The following KCNV2 variants were observed in gnomAD, a reference collection of about 807,000 sequenced individuals.
KCNV2 encodes the protein potassium voltage-gated channel modifier subfamily V member 2.
In KCNV2, 65 loss-of-function variants were observed where a neutral mutation model predicts 37.0. That is an observed-to-expected ratio of 1.76 (90% CI 1.44 to 2.16). The LOEUF is 2.16. KCNV2 is among the 30% of genes most tolerant of loss of function. The pLI is 0.00. For missense variants in KCNV2, 1,232 were observed against 766.7 expected, an observed-to-expected ratio of 1.61 and a Z score of -7.17; for synonymous variants, 518 against 328.6, an observed-to-expected ratio of 1.58 and a Z score of -6.23.
Position 2,729,643 on chromosome 9 carries a change from G to A in KCNV2, c.1554G>A (p.Val518=). Reference sequence around the variant, plus strand: ...CCATACGCAGGGAGAGGGGAGAGGTGAACTTCATGCAGAGAGCCAGAAAGA... The same window carrying A: ...CCATACGCAGGGAGAGGGGAGAGGTAAACTTCATGCAGAGAGCCAGAAAGA... ...YTTIRRERGE[V]NFMQRARKKI... is the part of the protein sequence containing the mutation. Residue 518 remains valine, a synonymous_variant, in exon 2 of 2, where the codon GTG becomes GTA. Transcript: ENST00000382082. The A allele has an allele frequency of 6.2e-7, 1 of 1,614,106 alleles. No homozygotes were observed. The highest frequency in any genetic ancestry group is 8.5e-7 in the Non-Finnish European group (1 of 1,180,000).
rs202166642 is a variant in KCNV2, at chr9:2,718,084, G to A, written c.345G>A (p.Leu115=). The change falls in exon 1 of 2, where the codon CTG becomes CTA. Residue 115 remains leucine, a synonymous_variant. Coordinates refer to ENST00000382082, the MANE Select transcript of KCNV2 (RefSeq NM_133497.4). ...GCTACCAGCTGGACTACTGCGAGCT[G>A]GCCGGCTTCCCCAAGACGCGCCTAG... is the stretch of plus-strand genomic sequence containing the variant. ...GHSYQLDYCE[L]AGFPKTRLGR... 10 of 1,601,116 alleles carry A rather than the reference G, an allele frequency of 6.2e-6. No homozygotes were observed. Among genetic ancestry groups the A allele is most frequent in the Non-Finnish European group, 6.8e-6 (8 of 1,173,550 alleles).
Position 2,718,042 on chromosome 9 carries a change from G to C in KCNV2, c.303G>C (p.Val101=), listed in dbSNP as rs1331431482. 1 of 1,610,534 alleles carries C rather than the reference G, an allele frequency of 6.2e-7. No homozygotes were observed. The highest frequency in any genetic ancestry group is 1.7e-5 in the Admixed American group (1 of 59,434). Residue 101 remains valine, a synonymous_variant, in exon 1 of 2, where the codon GTG becomes GTC. Transcript: ENST00000382082. ...DPPALLSTLN[V]NVGGHSYQLD... ...CGGCCCTGCTGTCCACGCTGAATGT[G>C]AACGTGGGTGGCCACAGCTACCAGC...
At chr9:2,723,954 T>TC (rs1819926488) in intron 1 of KCNV2, among the ~76,000 whole-genome samples, 1 of 151,240 alleles carries the variant, frequency 6.6e-6, no homozygotes, top group African/African-American at 2.4e-5. Flanking sequence ...GTATGGTTTT[T>TC]TTCTTTTACT....
chr9:2,726,992 C>T (rs763876816), intron 1 of KCNV2, among the ~76,000 whole-genome samples: 7 of 152,132 alleles, frequency 4.6e-5, no homozygotes, highest in Non-Finnish European at 8.8e-5. Context: ...GAAAAATGGT[C>T]GTCCACAAAA....
rs759430990 is a variant in KCNV2, at chr9:2,718,879, C to T, written c.1140C>T (p.Arg380=). 1.2e-6 allele frequency: 2 copies of T among 1,608,950 alleles called. No homozygotes were observed. The highest frequency in any genetic ancestry group is 2.2e-5 in the South Asian group (2 of 91,084). Residue 380 remains arginine, a synonymous_variant, in exon 1 of 2, where the codon CGC becomes CGT. Coordinates refer to ENST00000382082, the MANE Select transcript of KCNV2 (RefSeq NM_133497.4). The stretch of plus-strand genomic sequence containing the variant: ...TGGGTCAGGTGTTGCGCGTCATGCG[C>T]CTCATGCGCATCTTCCGCATCCTCA... The part of the protein sequence containing the change: ...GKVGQVLRVM[R]LMRIFRILKL...
At chr9:2,728,578 T>A (rs534778126) in intron 1 of KCNV2, among the ~76,000 whole-genome samples, 1 of 152,208 alleles carries the variant, frequency 6.6e-6, no homozygotes, top group Non-Finnish European at 1.5e-5. Context: ...TAATGGGAAG[T>A]ATTTCATGCA....
Position 2,718,324 on chromosome 9 carries a change from G to A in KCNV2, c.585G>A (p.Thr195=), listed in dbSNP as rs149078148. Reference sequence around the variant, plus strand: ...ACTGGGGCGTGCGGCTCAAGTACACGCCACGCTGCTGCCGCATCTGCTTCG... The same window carrying A: ...ACTGGGGCGTGCGGCTCAAGTACACACCACGCTGCTGCCGCATCTGCTTCG... ...LGYWGVRLKY[T]PRCCRICFEE... Residue 195 remains threonine, a synonymous_variant, in exon 1 of 2, where the codon ACG becomes ACA. Coordinates refer to ENST00000382082, the MANE Select transcript of KCNV2 (RefSeq NM_133497.4). The A allele has an allele frequency of 3.0e-5, 48 of 1,604,516 alleles. No homozygotes were observed. The Admixed American group carries it at 3.6e-4, about 12-fold the overall frequency.
In KCNV2 at chr9:2,718,874, A is replaced by C. The variant is rs370412027; in HGVS notation, c.1135A>C (p.Met379Leu). 1 of 1,608,790 alleles carries C rather than the reference A, an allele frequency of 6.2e-7. No individual in the cohort carries two copies. Among genetic ancestry groups the C allele is most frequent in the Non-Finnish European group, 8.5e-7 (1 of 1,179,946 alleles). Residue 379 changes from methionine (M) to leucine (L), a missense_variant, in exon 1 of 2, where the codon ATG becomes CTG. Transcript: ENST00000382082. ...TAAGGTGGGTCAGGTGTTGCGCGTC[A>C]TGCGCCTCATGCGCATCTTCCGCAT... ...VGKVGQVLRV[M>L]RLMRIFRILK...
intron 1 of KCNV2, among the ~76,000 whole-genome samples, chr9:2,727,180 C>T (rs2071812464): frequency 6.6e-6 from 1 of 151,752 alleles, no homozygotes; most frequent in South Asian, 2.1e-4. Flanking sequence ...GCTCACACAA[C>T]TGGAGAGAGA....
Position 2,729,746 on chromosome 9 carries a change from G to C in KCNV2, c.*19G>C. 1 of 1,613,042 alleles carries C rather than the reference G, an allele frequency of 6.2e-7. No homozygotes were observed. Among genetic ancestry groups the C allele is most frequent in the African/African-American group, 1.3e-5 (1 of 74,968 alleles). ...GAATTAGTATTTTATAGGACATGTGGCTGGTAGATTCCATGAACTTCAAGG... is the reference window on the plus strand; with the variant it reads ...GAATTAGTATTTTATAGGACATGTGCCTGGTAGATTCCATGAACTTCAAGG... On this transcript the variant is annotated 3_prime_UTR_variant, in exon 2 of 2. Transcript: ENST00000382082.
In KCNV2 at chr9:2,729,806, A is replaced by G; in HGVS notation, c.*79A>G. ...TCTTTTTTTAATCATTATGATTGGC[A>G]GCAAAAGGAAATGTGAAGCAGACAT... On this transcript the variant is annotated 3_prime_UTR_variant, in exon 2 of 2. Coordinates refer to ENST00000382082, the MANE Select transcript of KCNV2 (RefSeq NM_133497.4). 6.9e-7 allele frequency: 1 copy of G among 1,456,514 alleles called. No individual in the cohort carries two copies. The highest frequency in any genetic ancestry group is 9.6e-7 in the Non-Finnish European group (1 of 1,039,264). 90.2% of individuals were successfully genotyped at this position (1,456,514 alleles called of 1,614,324 possible).
chr9:2,722,961 T>G (rs908959494), intron 1 of KCNV2, among the ~76,000 whole-genome samples: 3 of 152,188 alleles, frequency 2.0e-5, no homozygotes, highest in African/African-American at 7.2e-5. Flanking sequence ...TTCATGGCAT[T>G]TGCTCAGCCC....
At chr9:2,723,668 G>T (rs1435969321) in intron 1 of KCNV2, among the ~76,000 whole-genome samples, 1 of 152,218 alleles carries the variant, frequency 6.6e-6, no homozygotes, top group Non-Finnish European at 1.5e-5. Context: ...TCACATGGAA[G>T]CAATAACCTT....
At chr9:2,719,916 T>C (rs1352509317) in intron 1 of KCNV2, among the ~76,000 whole-genome samples, 3 of 152,266 alleles carry the variant, frequency 2.0e-5, no homozygotes, top group African/African-American at 7.2e-5. Context: ...CCTTTGCCTT[T>C]TTATAACTTG....
Position 2,729,504 on chromosome 9 carries a change from T to G in KCNV2, c.1415T>G (p.Phe472Cys). The change falls in exon 2 of 2, where the codon TTT becomes TGT. Residue 472 changes from phenylalanine to cysteine, a missense_variant. By Grantham distance (205) the Phe-to-Cys change is radical. Transcript: ENST00000382082. ...DMYPETHLGR[F>C]FAFLCIAFGI... ...TACCCAGAGACCCACCTGGGCAGGT[T>G]TTTTGCCTTCCTCTGCATTGCTTTT... 3 of 1,614,120 alleles carry G rather than the reference T, an allele frequency of 1.9e-6. No homozygotes were observed. The highest frequency in any genetic ancestry group is 1.7e-6 in the Non-Finnish European group (2 of 1,179,994).
In KCNV2 at chr9:2,718,266, TGTGTCCG is replaced by T. The variant is rs753795579; in HGVS notation, c.528_534del (p.Cys177AlafsTer32). 5 of 1,612,656 alleles carry T rather than the reference TGTGTCCG, an allele frequency of 3.1e-6. No homozygotes were observed. The highest frequency in any genetic ancestry group is 4.2e-6 in the Non-Finnish European group (5 of 1,179,912). ...GGGGTGCTGCTGGTGCTCGACGGGCTGTGTCCGCGCCGCTTCCTGGAGGAGCTGGGCT... is the reference window on the plus strand; with the variant it reads ...GGGGTGCTGCTGGTGCTCGACGGGCTCGCCGCTTCCTGGAGGAGCTGGGCT... On this transcript the variant is annotated frameshift_variant, in exon 1 of 2. Transcript: ENST00000382082. LOFTEE classifies it high-confidence loss of function.
At position 2,722,154 on chromosome 9, in the gene KCNV2, TTTATAAATAAATTAGAAG is replaced by T. The variant is rs1319927300; in HGVS notation, c.1356+3064_1356+3081del. Among the ~76,000 whole-genome samples, 103 of 140,410 alleles carry T rather than the reference TTTATAAATAAATTAGAAG, an allele frequency of 7.3e-4. 6 individuals are homozygous for T. Among genetic ancestry groups the T allele is most frequent in the African/African-American group, 2.4e-3 (88 of 36,120 alleles). The allele number at this position is 140,410 out of a possible 152,430, so 92.1% of individuals were successfully genotyped here. On this transcript the variant is annotated intron_variant, in intron 1 of 1. Transcript: ENST00000382082. ...TTATTTATAAATAAATTAGAAGTTA[TTTATAAATAAATTAGAAG>T]TTATTTATAAATAAAATAGAAGTTA...
intron 1 of KCNV2, among the ~76,000 whole-genome samples, chr9:2,719,429 A>G (rs1819821189): frequency 6.6e-6 from 1 of 152,126 alleles, no homozygotes; most frequent in South Asian, 2.1e-4. Flanking sequence ...GACAAAGCTT[A>G]TCTCATTGTG....
chr9:2,719,553 T>C (rs550572928), intron 1 of KCNV2, among the ~76,000 whole-genome samples: 2 of 152,124 alleles, frequency 1.3e-5, no homozygotes, highest in African/African-American at 4.8e-5. Flanking sequence ...AGGTGAGACT[T>C]GGCTGAACCA....
Sources: allele counts gnomAD v4.1 joint callset (sites outside exome capture counted in the v4.1 genomes callset), GRCh38; gene constraint gnomAD v4.1.1; transcripts MANE v1.5; gene names NCBI Gene and HGNC (gene_info 2026-07-23, HGNC 2026-07-21).